SMURF1: variants seen among roughly 807,000 people sequenced by gnomAD.
SMURF1 encodes the protein SMAD specific E3 ubiquitin protein ligase 1, also known as E3 ubiquitin-protein ligase SMURF1.
SMURF1 carries 44 observed loss-of-function variants against 98.0 expected under a neutral mutation model. The ratio of observed to expected loss-of-function variants is 0.45; its 90% CI spans 0.35 to 0.58. SMURF1 has a LOEUF of 0.58. Ranked by LOEUF, SMURF1 falls within the 20% of genes least tolerant of loss-of-function variation. The probability of loss-of-function intolerance (pLI) is 0.00; values close to 1 mark genes in which losing one functional copy is unlikely to be tolerated. For synonymous variants in SMURF1, 396 were observed against 374.9 expected, an observed-to-expected ratio of 1.06 and a Z score of -0.65; for missense variants, 687 against 938.4, an observed-to-expected ratio of 0.73 and a Z score of 3.50.
chr7:99,067,479 C>T (rs1796221466), intron 1 of SMURF1, among the ~76,000 whole-genome samples: 1 of 152,110 alleles, frequency 6.6e-6, no homozygotes, highest in Non-Finnish European at 1.5e-5. Context: ...ATGCCTCTTA[C>T]ATGCCATAAT....
intron 13 of SMURF1, among the ~76,000 whole-genome samples, chr7:99,040,023 C>G (rs1795310822): frequency 6.6e-6 from 1 of 152,150 alleles, no homozygotes; most frequent in African/African-American, 2.4e-5. Flanking sequence ...TGTGATCGCG[C>G]CTTCTTCATT....
At chr7:99,081,045 G>C (rs1218451090) in intron 1 of SMURF1, 1 of 152,302 alleles carries the variant, frequency 6.6e-6, no homozygotes, top group Non-Finnish European at 1.5e-5. Flanking sequence ...AACTCACAAT[G>C]AACATGGGCA....
intron 11 of SMURF1, among the ~76,000 whole-genome samples, chr7:99,042,839 T>C (rs1426545735): frequency 6.6e-6 from 1 of 152,184 alleles, no homozygotes; most frequent in African/African-American, 2.4e-5. Context: ...TGGAATTTCT[T>C]ACTTTTTCAA....
At chr7:99,108,632 A>AAAAAG (rs1797250959) in intron 1 of SMURF1, among the ~76,000 whole-genome samples, 6 of 145,194 alleles carry the variant, frequency 4.1e-5, no homozygotes, top group South Asian at 2.2e-4. Context: ...AAAAAAAAAA[A>AAAAAG]AAAGAAAGAA....
intron 5 of SMURF1, 37 bp from the exon 6 acceptor site, chr7:99,054,902 C>G (rs199528586): frequency 6.3e-7 from 1 of 1,578,878 alleles, no homozygotes; most frequent in South Asian, 1.1e-5. Flanking sequence ...TAAAACCCAG[C>G]GGGGTTTACA....
At chr7:99,095,432 A>ATGCC (rs1441629888) in intron 1 of SMURF1, among the ~76,000 whole-genome samples, 1 of 152,132 alleles carries the variant, frequency 6.6e-6, no homozygotes, top group East Asian at 1.9e-4. Context: ...CCACACTGAG[A>ATGCC]TGCCTGCTTG....
chr7:99,041,917 A>G lies in SMURF1; in HGVS notation c.1371+201T>C, dbSNP rs187475340. 1.3e-3 allele frequency among the ~76,000 whole-genome samples: 198 copies of G among 152,250 alleles called. 1 individual carries two copies. The highest frequency in any genetic ancestry group is 4.6e-3 in the African/African-American group (192 of 41,536). On this transcript the variant is annotated intron_variant, in intron 12 of 17. Coordinates refer to ENST00000361368, the MANE Select transcript of SMURF1 (RefSeq NM_181349.3). ...CCCTTCATCTCCTTCAACACAGCACACCCAGTGATCACGATCTCTGAAAAT... is the reference window on the plus strand; with the variant it reads ...CCCTTCATCTCCTTCAACACAGCACGCCCAGTGATCACGATCTCTGAAAAT...
chr7:99,090,459 C>A (rs949979897), intron 1 of SMURF1, among the ~76,000 whole-genome samples: 13 of 152,102 alleles, frequency 8.5e-5, no homozygotes, highest in African/African-American at 2.9e-4. Flanking sequence ...GACCCATAAT[C>A]CCCTTACAGT....
At chr7:99,096,015 T>C (rs993010069) in intron 1 of SMURF1, among the ~76,000 whole-genome samples, 5 of 152,142 alleles carry the variant, frequency 3.3e-5, no homozygotes, top group Non-Finnish European at 7.4e-5. Context: ...TCCTGGGGCA[T>C]TACCTATCAG....
chr7:99,111,700 G>C (rs1235544739), intron 1 of SMURF1, among the ~76,000 whole-genome samples: 1 of 152,132 alleles, frequency 6.6e-6, no homozygotes, highest in African/African-American at 2.4e-5. Flanking sequence ...ATTTACCCTG[G>C]TCCCATCCAC....
chr7:99,120,780 C>T (rs183449723), intron 1 of SMURF1: 167 of 149,826 alleles, frequency 1.1e-3, no homozygotes, highest in African/African-American at 3.7e-3. Flanking sequence ...AGGGAACCCA[C>T]ATGCAGAGCA....
Position 99,033,126 on chromosome 7 carries a change from C to G in SMURF1, c.2012-5G>C. On this transcript the variant is annotated splice_polypyrimidine_tract_variant and splice_region_variant and intron_variant, in intron 16 of 17. Coordinates refer to ENST00000361368, the MANE Select transcript of SMURF1 (RefSeq NM_181349.3). ...GCCCTGCCGCGCCTGTAGAACCTTA[C>G]AAGACAACATTCTAGTTAATGTACT... The G allele has an allele frequency of 1.9e-6, 3 of 1,569,000 alleles. No homozygotes were observed. The highest frequency in any genetic ancestry group is 1.4e-5 in the African/African-American group (1 of 73,968).
At chr7:99,059,411 AT>A (rs1375898534) in intron 3 of SMURF1, among the ~76,000 whole-genome samples, 639 of 32,788 alleles carry the variant, frequency 0.019, 35 homozygotes, top group Middle Eastern at 0.1. Context: ...AAAAAATAAA[AT>A]AAAATAAAAT....
At chr7:99,096,194 G>A (rs1796952486) in intron 1 of SMURF1, among the ~76,000 whole-genome samples, 2 of 152,102 alleles carry the variant, frequency 1.3e-5, no homozygotes, top group African/African-American at 4.8e-5. Flanking sequence ...CACCAACCAG[G>A]CTCCAGGTGG....
intron 1 of SMURF1, among the ~76,000 whole-genome samples, chr7:99,109,508 G>A (rs1219585969): frequency 3.3e-5 from 5 of 152,168 alleles, no homozygotes; most frequent in African/African-American, 1.2e-4. Flanking sequence ...GAGGCCTGGA[G>A]ACCAGCCCCA....
chr7:99,133,370 T>G (rs1282910270), intron 1 of SMURF1, among the ~76,000 whole-genome samples: 1 of 151,024 alleles, frequency 6.6e-6, no homozygotes, highest in African/African-American at 2.4e-5. Flanking sequence ...TGTGAATCTA[T>G]CATTACTTCA....
rs752993106 is a variant in SMURF1 at position 99,057,609 on chromosome 7, T to G, written c.204-58A>C. 4.7e-3 allele frequency: 4,585 copies of G among 983,166 alleles called. 16 individuals are homozygous for G. The highest frequency in any genetic ancestry group is 0.015 in the South Asian group (697 of 45,828). The allele number at this position is 983,166 out of a possible 1,614,324, so 60.9% of individuals were successfully genotyped here. A position where few individuals can be genotyped will look rare whatever the true frequency, so the allele number is the denominator to read the frequency against. On this transcript the variant is annotated intron_variant, in intron 3 of 17. Transcript: ENST00000361368. Reference sequence around the variant, plus strand: ...GTGTTTGGTTTTTTTTGTTTTGTTTTTTTTTTTTTTTGAGATAGAATCCTG... The same window carrying G: ...GTGTTTGGTTTTTTTTGTTTTGTTTGTTTTTTTTTTTGAGATAGAATCCTG...
intron 1 of SMURF1, among the ~76,000 whole-genome samples, chr7:99,064,210 G>A (rs568262402): frequency 1.3e-5 from 2 of 152,174 alleles, no homozygotes; most frequent in Non-Finnish European, 2.9e-5. Context: ...ATTCATAAGG[G>A]ATATTGGTTT....
intron 1 of SMURF1, among the ~76,000 whole-genome samples, chr7:99,085,724 G>A (rs182493935): frequency 3.3e-5 from 5 of 152,150 alleles, no homozygotes; most frequent in East Asian, 1.9e-4. Context: ...GAATAGTTTC[G>A]CTGCCCTAAA....
Sources: gnomAD v4.1 joint callset for allele counts (sites outside exome capture counted in the v4.1 genomes callset) on GRCh38, gnomAD v4.1.1 for gene constraint, MANE v1.5 for transcripts, NCBI Gene and HGNC (gene_info 2026-07-23, HGNC 2026-07-21) for gene names.